LPP: variants seen among roughly 807,000 people sequenced by gnomAD.
LPP encodes lipoma-preferred partner.
Under a neutral mutation model 60.4 loss-of-function variants are expected in LPP, and 38 were observed. That is an observed-to-expected ratio of 0.63 (90% CI 0.49 to 0.83). The LOEUF (loss-of-function observed/expected upper bound fraction) is 0.83, where lower values mean the gene tolerates loss of function less well. Among genes scored for constraint, LPP ranks in the 40% least tolerant of loss-of-function variants. The pLI, the probability that LPP is intolerant of heterozygous loss-of-function variation, is 0.00. For synonymous variants in LPP, 328 were observed against 290.8 expected, an observed-to-expected ratio of 1.13 and a Z score of -1.30; for missense variants, 902 against 783.6, an observed-to-expected ratio of 1.15 and a Z score of -1.80.
chr3:188,790,916 C>T (rs368729727), intron 9 of LPP, among the ~76,000 whole-genome samples: 146 of 131,628 alleles, frequency 1.1e-3, no homozygotes, highest in African/African-American at 4.2e-3. Flanking sequence ...CTTAATTGAC[C>T]CAAGTAGAAA....
At chr3:188,237,790 C>A (rs918507807) in intron 2 of LPP, among the ~76,000 whole-genome samples, 11 of 152,016 alleles carry the variant, frequency 7.2e-5, no homozygotes, top group African/African-American at 2.7e-4. Flanking sequence ...AGAGTAGATT[C>A]AGCATAATTC....
At chr3:188,615,202 T>C (rs1387055598) in intron 7 of LPP, among the ~76,000 whole-genome samples, 1 of 152,236 alleles carries the variant, frequency 6.6e-6, no homozygotes, top group Non-Finnish European at 1.5e-5. Flanking sequence ...TTTCTAGTTT[T>C]ATCTCTCCCC....
chr3:188,338,258 G>A (rs1762187500), intron 2 of LPP, among the ~76,000 whole-genome samples: 1 of 152,176 alleles, frequency 6.6e-6, no homozygotes, highest in South Asian at 2.1e-4. Flanking sequence ...TTCTTGATAA[G>A]TATCTTAGGG....
At chr3:188,441,969 T>C (rs897032354) in intron 4 of LPP, among the ~76,000 whole-genome samples, 5 of 152,056 alleles carry the variant, frequency 3.3e-5, no homozygotes, top group African/African-American at 1.2e-4. Context: ...TAAAAGAACA[T>C]ATAACTTCCT....
intron 1 of LPP, among the ~76,000 whole-genome samples, chr3:188,210,353 A>G (rs751346953): frequency 2.0e-5 from 3 of 152,196 alleles, no homozygotes; most frequent in Non-Finnish European, 2.9e-5. Context: ...AGGTTGAAAT[A>G]TGGTCCTGAG....
At chr3:188,227,131 T>C (rs2149332643) in intron 2 of LPP, among the ~76,000 whole-genome samples, 1 of 152,266 alleles carries the variant, frequency 6.6e-6, no homozygotes, top group East Asian at 1.9e-4. Context: ...GAGATTTCCT[T>C]AACAAGAGCA....
At chr3:188,660,015 C>A (rs1218061937) in intron 7 of LPP, among the ~76,000 whole-genome samples, 2 of 151,972 alleles carry the variant, frequency 1.3e-5, no homozygotes, top group Non-Finnish European at 2.9e-5. Context: ...AAAGCGTAAG[C>A]ACGAGAGAAT....
Position 188,577,745 on chromosome 3 carries a change from G to GTTCCTTCCTTCCTTCCTTCCTTCCTTCC in LPP, c.430-31409_430-31408insCTTCCTTCCTTCCTTCCTTCCTTCCTTC, listed in dbSNP as rs1337923679. On this transcript the variant is annotated intron_variant, in intron 6 of 11. Transcript: ENST00000617246. ...TCTCTTTGGTTTCCTTCCTTCCTTT[G>GTTCCTTCCTTCCTTCCTTCCTTCCTTCC]TTCCTTCGTTCCTTCGTTCCTTCCT... Among the ~76,000 whole-genome samples the GTTCCTTCCTTCCTTCCTTCCTTCCTTCC allele has an allele frequency of 7.3e-4, 50 of 68,400 alleles. 2 individuals are homozygous for GTTCCTTCCTTCCTTCCTTCCTTCCTTCC. The South Asian group carries it at 8.6e-3, about 12-fold the overall frequency. The allele number at this position is 68,400 out of a possible 152,430, so 44.9% of individuals were successfully genotyped here.
rs994785731 is a variant in LPP, at chr3:188,572,193, T to C, written c.430-36968T>C. On this transcript the variant is annotated intron_variant, in intron 6 of 11. Coordinates refer to ENST00000617246, the MANE Select transcript of LPP (RefSeq NM_001375462.1). This position sits in a 1 kb window ranked among gnomAD's most constrained non-coding sequence, Gnocchi z 4.1. Reference sequence around the variant, plus strand: ...ATTTGTTGCACTTATATTTTGCTTTTTATGTATGTAGAGGGGTGACATATG... The same window carrying C: ...ATTTGTTGCACTTATATTTTGCTTTCTATGTATGTAGAGGGGTGACATATG... Among the ~76,000 whole-genome samples, 2 of 152,106 alleles carry C rather than the reference T, an allele frequency of 1.3e-5. No homozygotes were observed. Among genetic ancestry groups the C allele is most frequent in the Non-Finnish European group, 2.9e-5 (2 of 68,016 alleles).
Position 188,415,440 on chromosome 3 carries a change from A to G in LPP, c.193+9127A>G, listed in dbSNP as rs192443184. Among the ~76,000 whole-genome samples the G allele has an allele frequency of 1.1e-4, 16 of 152,240 alleles. No individual in the cohort carries two copies. The East Asian group carries it at 2.9e-3, about 28-fold the overall frequency. ...CAGCAAATATACCCTTTGGCATTTA[A>G]TCCAGAGAATCAAAATGTTATGTTC... On this transcript the variant is annotated intron_variant, in intron 4 of 11. Coordinates refer to ENST00000617246, the MANE Select transcript of LPP (RefSeq NM_001375462.1).
chr3:188,462,236 T>C (rs1464513), intron 4 of LPP, among the ~76,000 whole-genome samples: 100,068 of 150,670 alleles, frequency 0.66, 33,294 homozygotes, highest in Admixed American at 0.71. Context: ...ATAGACATTA[T>C]TATTATTATT....
At chr3:188,552,047 A>G (rs1828282070) in intron 6 of LPP, among the ~76,000 whole-genome samples, 1 of 152,194 alleles carries the variant, frequency 6.6e-6, no homozygotes. Context: ...ATTGCATTGT[A>G]TCTGTGGGAC....
At chr3:188,236,774 G>T (rs1366193523) in intron 2 of LPP, among the ~76,000 whole-genome samples, 4 of 152,192 alleles carry the variant, frequency 2.6e-5, no homozygotes, top group African/African-American at 9.7e-5. Context: ...AACTTTCAGT[G>T]AGTCCTGCTT....
At chr3:188,750,112 A>C (rs1727598490) in intron 8 of LPP, among the ~76,000 whole-genome samples, 1 of 152,214 alleles carries the variant, frequency 6.6e-6, no homozygotes, top group Non-Finnish European at 1.5e-5. Flanking sequence ...CATGGCAGAC[A>C]GTGGAAGAGC....
Position 188,715,376 on chromosome 3 carries a change from CAAAAAAAAAA to C in LPP, c.1240+7004_1240+7013del, listed in dbSNP as rs35761284. Among the ~76,000 whole-genome samples the C allele has an allele frequency of 8.3e-4, 53 of 63,680 alleles. No individual in the cohort carries two copies. The South Asian group carries it at 0.014, about 17-fold the overall frequency. The allele number at this position is 63,680 out of a possible 152,430, so 41.8% of individuals were successfully genotyped here. ...CTGGTGACAGAGGGAGACTCCGTCT[CAAAAAAAAAA>C]AAAAAAAAAAAAAAAAAAAAGGAAC... On this transcript the variant is annotated intron_variant, in intron 8 of 11. Coordinates refer to ENST00000617246, the MANE Select transcript of LPP (RefSeq NM_001375462.1).
intron 9 of LPP, among the ~76,000 whole-genome samples, chr3:188,789,930 G>A (rs1033310356): frequency 6.6e-6 from 1 of 152,166 alleles, no homozygotes; most frequent in Admixed American, 6.5e-5. Context: ...GCAAAAGTAT[G>A]GGAAGCATGT....
At chr3:188,398,647 A>G (rs1781526692) in intron 3 of LPP, among the ~76,000 whole-genome samples, 1 of 152,116 alleles carries the variant, frequency 6.6e-6, no homozygotes, top group African/African-American at 2.4e-5. Flanking sequence ...GAGTGAATAC[A>G]TTTGCTGTTC....
intron 9 of LPP, among the ~76,000 whole-genome samples, chr3:188,826,774 C>A (rs1252311753): frequency 6.8e-6 from 1 of 146,486 alleles, no homozygotes; most frequent in Non-Finnish European, 1.5e-5. Flanking sequence ...CATCTCTGGA[C>A]CCCCCCCACT....
At chr3:188,518,351 C>T (rs941366714) in intron 5 of LPP, among the ~76,000 whole-genome samples, 2 of 152,002 alleles carry the variant, frequency 1.3e-5, no homozygotes, top group African/African-American at 4.8e-5. Context: ...ATGAAACTAC[C>T]ATTGAAAAGA....
Sources: gnomAD v4.1 joint callset for allele counts (sites outside exome capture counted in the v4.1 genomes callset) on GRCh38, gnomAD v4.1.1 for gene constraint, Gnocchi (gnomAD v3.1) non-coding constraint, MANE v1.5 for transcripts, NCBI Gene and HGNC (gene_info 2026-07-23, HGNC 2026-07-21) for gene names.